PLCG1: variants seen among roughly 807,000 people sequenced by gnomAD.
The protein encoded by PLCG1 is 1-phosphatidylinositol 4,5-bisphosphate phosphodiesterase gamma-1.
A neutral mutation model predicts 177.8 loss-of-function variants in PLCG1; 71 were observed. The observed-to-expected ratio is 0.40, with a 90% CI of 0.33 to 0.49. The LOEUF is 0.49. Ranked by LOEUF, PLCG1 falls within the 20% of genes least tolerant of loss-of-function variation. The pLI is 0.72. For missense variants in PLCG1, 1,281 were observed against 1,709.0 expected, an observed-to-expected ratio of 0.75 and a Z score of 4.42; for synonymous variants, 658 against 647.9, an observed-to-expected ratio of 1.02 and a Z score of -0.24.
chr20:41,141,800 C>A (rs553460946), intron 1 of PLCG1, among the ~76,000 whole-genome samples: 1 of 152,216 alleles, frequency 6.6e-6, no homozygotes, highest in Non-Finnish European at 1.5e-5. Flanking sequence ...AGGAAAAGGG[C>A]CTGCTTCACA....
Position 41,163,039 on chromosome 20 carries a change from T to A in PLCG1, c.716+47T>A. The A allele has an allele frequency of 6.3e-7, 1 of 1,587,128 alleles. No individual in the cohort carries two copies. Among genetic ancestry groups the A allele is most frequent in the Non-Finnish European group, 8.7e-7 (1 of 1,155,448 alleles). On this transcript the variant is annotated intron_variant, in intron 7 of 31. Coordinates refer to ENST00000685551, the MANE Select transcript of PLCG1 (RefSeq NM_002660.3). The surrounding 1 kb of genome is among the most constrained non-coding windows in gnomAD (Gnocchi z 5.2). ...TGGGGTTTTCCCTGGGCCCCCTTCA[T>A]CTCTCCACTGGGCGATTCTTGATCC...
At chr20:41,170,290 T>C in intron 24 of PLCG1, 21 bp downstream of exon 24, 1 of 1,613,764 alleles carries the variant, frequency 6.2e-7, no homozygotes, top group Non-Finnish European at 8.5e-7. Flanking sequence ...GCTGGAACCT[T>C]CTGGGGGGCA....
chr20:41,175,130 A>G lies in PLCG1; in HGVS notation c.*621A>G, dbSNP rs543804707. The G allele has an allele frequency of 1.7e-4, 26 of 153,004 alleles. No individual in the cohort carries two copies. The highest frequency in any genetic ancestry group is 1.9e-4 in the Non-Finnish European group (13 of 68,248). 9.5% of individuals were successfully genotyped at this position (153,004 alleles called of 1,614,324 possible). On this transcript the variant is annotated 3_prime_UTR_variant, in exon 32 of 32. Coordinates refer to ENST00000685551, the MANE Select transcript of PLCG1 (RefSeq NM_002660.3). ...CCCAGCCTGAAAGATACAGGGGATC[A>G]TGTTAAAAATAGCAGTATTATTTTT...
rs2035167095 is a variant in PLCG1 at position 41,151,545 on chromosome 20, C to G, written c.218-8061C>G. 6.6e-6 allele frequency among the ~76,000 whole-genome samples: 1 copy of G among 152,158 alleles called. No individual in the cohort carries two copies. Among genetic ancestry groups the G allele is most frequent in the Admixed American group, 6.5e-5 (1 of 15,284 alleles). On this transcript the variant is annotated intron_variant, in intron 1 of 31. Coordinates refer to ENST00000685551, the MANE Select transcript of PLCG1 (RefSeq NM_002660.3). This position sits in a 1 kb window ranked among gnomAD's most constrained non-coding sequence, Gnocchi z 5.5. ...TGTAAAATGGAAAGGGATAGCTACC[C>G]ACCCCTCCACTTTGACCTTCCTTTG... is the stretch of plus-strand genomic sequence containing the variant.
At position 41,163,376 on chromosome 20, in the gene PLCG1, A is replaced by C; in HGVS notation, c.790-2A>C. On this transcript the variant is annotated splice_acceptor_variant, in intron 8 of 31. Transcript: ENST00000685551. LOFTEE classifies it high-confidence loss of function. The surrounding 1 kb of genome is among the most constrained non-coding windows in gnomAD (Gnocchi z 5.2). Reference sequence around the variant, plus strand: ...CATCCCCTGCCCTCCCTACCCCATCAGGAGCTGTGGGCTGTTGATCGCCTC... The same window carrying C: ...CATCCCCTGCCCTCCCTACCCCATCCGGAGCTGTGGGCTGTTGATCGCCTC... 1 of 1,610,842 alleles carries C rather than the reference A, an allele frequency of 6.2e-7. No homozygotes were observed. Among genetic ancestry groups the C allele is most frequent in the Non-Finnish European group, 8.5e-7 (1 of 1,177,152 alleles).
rs1275111641 is a variant in PLCG1, at chr20:41,151,542, A to C, written c.218-8064A>C. ...GTTTGTAAAATGGAAAGGGATAGCT[A>C]CCCACCCCTCCACTTTGACCTTCCT... On this transcript the variant is annotated intron_variant, in intron 1 of 31. Transcript: ENST00000685551. This position sits in a 1 kb window ranked among gnomAD's most constrained non-coding sequence, Gnocchi z 5.5. Among the ~76,000 whole-genome samples, 2 of 152,102 alleles carry C rather than the reference A, an allele frequency of 1.3e-5. No individual in the cohort carries two copies. The highest frequency in any genetic ancestry group is 2.9e-5 in the Non-Finnish European group (2 of 68,012).
rs1233784207 is a variant in PLCG1 at position 41,162,918 on chromosome 20, T to C, written c.682-40T>C. Reference sequence around the variant, plus strand: ...TTACTAGCCCATTTCCCACATGGCCTCCCAGGGGTCTTGCCCTGACCAGGT... The same window carrying C: ...TTACTAGCCCATTTCCCACATGGCCCCCCAGGGGTCTTGCCCTGACCAGGT... On this transcript the variant is annotated intron_variant, in intron 6 of 31. Transcript: ENST00000685551. 4 of 1,602,040 alleles carry C rather than the reference T, an allele frequency of 2.5e-6. No homozygotes were observed. The African/African-American group carries it at 5.4e-5, about 21-fold the overall frequency.
chr20:41,155,042 A>G (rs912379133), intron 1 of PLCG1, among the ~76,000 whole-genome samples: 2 of 152,240 alleles, frequency 1.3e-5, no homozygotes, highest in African/African-American at 4.8e-5. Context: ...CTGTGGTCTC[A>G]GGCCAGGAGT....
At chr20:41,169,634 G>A in intron 23 of PLCG1, 108 bp downstream of exon 23, 1 of 850,140 alleles carries the variant, frequency 1.2e-6, no homozygotes, top group South Asian at 1.5e-5. Context: ...CCCAAAGTCT[G>A]CCCTCACTCC....
rs1307787178 is a variant in PLCG1 at position 41,156,901 on chromosome 20, C to G, written c.218-2705C>G. Among the ~76,000 whole-genome samples, 2 of 152,350 alleles carry G rather than the reference C, an allele frequency of 1.3e-5. No homozygotes were observed. Among genetic ancestry groups the G allele is most frequent in the Admixed American group, 1.3e-4 (2 of 15,302 alleles). ...ATTTCTGGGGACCAGCTCTGGCTCT[C>G]TCAAGAAAGAGGATGCTGCCATATT... is the stretch of plus-strand genomic sequence containing the variant. On this transcript the variant is annotated intron_variant, in intron 1 of 31. Transcript: ENST00000685551. This position sits in a 1 kb window ranked among gnomAD's most constrained non-coding sequence, Gnocchi z 5.0.
At position 41,151,156 on chromosome 20, in the gene PLCG1, T is replaced by A. The variant is rs1394764747; in HGVS notation, c.218-8450T>A. ...TTCTTACCTCTGAAATAGGTGAGATTAATTTAGAGTCCTAGGGAAGAGGGC... is the reference window on the plus strand; with the variant it reads ...TTCTTACCTCTGAAATAGGTGAGATAAATTTAGAGTCCTAGGGAAGAGGGC... On this transcript the variant is annotated intron_variant, in intron 1 of 31. Transcript: ENST00000685551. This position sits in a 1 kb window ranked among gnomAD's most constrained non-coding sequence, Gnocchi z 5.5. 2.6e-5 allele frequency among the ~76,000 whole-genome samples: 4 copies of A among 152,122 alleles called. No homozygotes were observed. The highest frequency in any genetic ancestry group is 2.0e-4 in the Admixed American group (3 of 15,270).
In PLCG1 at chr20:41,148,666, C is replaced by G. The variant is rs1300115600; in HGVS notation, c.217+10808C>G. Among the ~76,000 whole-genome samples the G allele has an allele frequency of 1.3e-5, 2 of 152,220 alleles. No individual in the cohort carries two copies. Among genetic ancestry groups the G allele is most frequent in the Admixed American group, 6.5e-5 (1 of 15,288 alleles). On this transcript the variant is annotated intron_variant, in intron 1 of 31. Transcript: ENST00000685551. This position sits in a 1 kb window ranked among gnomAD's most constrained non-coding sequence, Gnocchi z 4.3. ...TTGAAGATGGCAGACATGGTGCAGT[C>G]TCTCAAGGAGTTTACGCTCTAGTGG...
Position 41,150,324 on chromosome 20 carries a change from A to T in PLCG1, c.218-9282A>T, listed in dbSNP as rs1460900281. 2.0e-5 allele frequency among the ~76,000 whole-genome samples: 3 copies of T among 152,220 alleles called. No homozygotes were observed. The highest frequency in any genetic ancestry group is 1.9e-4 in the East Asian group (1 of 5,198). ...TCTATAAAATATAAAGAAAAATTTT[A>T]AAAGTGACTTATACCCATTGCTCTG... On this transcript the variant is annotated intron_variant, in intron 1 of 31. Coordinates refer to ENST00000685551, the MANE Select transcript of PLCG1 (RefSeq NM_002660.3). The surrounding 1 kb of genome is among the most constrained non-coding windows in gnomAD (Gnocchi z 4.0).
chr20:41,170,344 C>T, intron 24 of PLCG1, 75 bp downstream of exon 24: 1 of 1,526,196 alleles, frequency 6.6e-7, no homozygotes, highest in Non-Finnish European at 9.0e-7. Flanking sequence ...GCTCCCAGCA[C>T]AGGCCCCCTC....
At position 41,173,963 on chromosome 20, in the gene PLCG1, C is replaced by G; in HGVS notation, c.3597C>G (p.Asp1199Glu). ...CTTTGAAGAACAACTACAGTGAGGA[C>G]CTGGAGTTGGCCTCCCTGCTGATCA... Reference protein sequence around the residue: ...AVPLKNNYSEDLELASLLIKI... With the variant: ...AVPLKNNYSEELELASLLIKI... The change falls in exon 30 of 32, where the codon GAC becomes GAG. Residue 1199 changes from aspartate (D) to glutamate (E), a missense_variant. Asp to Glu is a conservative substitution (Grantham distance 45, BLOSUM62 2). Around this residue, in one of 4 missense-constraint regions of PLCG1, gnomAD observed 153 missense variants for 153.2 expected, o/e 1.00. Coordinates refer to ENST00000685551, the MANE Select transcript of PLCG1 (RefSeq NM_002660.3). The surrounding 1 kb of genome is among the most constrained non-coding windows in gnomAD (Gnocchi z 6.2). 1 of 1,614,068 alleles carries G rather than the reference C, an allele frequency of 6.2e-7. No individual in the cohort carries two copies. The highest frequency in any genetic ancestry group is 8.5e-7 in the Non-Finnish European group (1 of 1,179,956).
chr20:41,158,214 T>A (rs1600652003), intron 1 of PLCG1, among the ~76,000 whole-genome samples: 1 of 151,632 alleles, frequency 6.6e-6, no homozygotes, highest in African/African-American at 2.4e-5. Flanking sequence ...TCTGGGGGAG[T>A]TGGGCCGTTA....
rs761726070 is a variant in PLCG1, at chr20:41,159,712, C to T, written c.324C>T (p.Val108=). The change falls in exon 2 of 32, where the codon GTC becomes GTT. Residue 108 remains valine, a synonymous_variant. Coordinates refer to ENST00000685551, the MANE Select transcript of PLCG1 (RefSeq NM_002660.3). The surrounding 1 kb of genome is among the most constrained non-coding windows in gnomAD (Gnocchi z 6.0). ...GGCCGGACCAGTCACATTGCTTTGT[C>T]ATTCTCTATGGAATGGAATTTCGCC... ...AFRPDQSHCF[V]ILYGMEFRLK... The T allele has an allele frequency of 5.0e-5, 81 of 1,614,108 alleles. No individual in the cohort carries two copies. In the South Asian group the frequency reaches 7.4e-4, roughly 15 times the overall value.
chr20:41,169,076 C>T lies in PLCG1; in HGVS notation c.2484-3C>T. On this transcript the variant is annotated splice_region_variant and splice_polypyrimidine_tract_variant and intron_variant, in intron 21 of 31. Transcript: ENST00000685551. ...GGAGGTCAGCACCCTGTGGCTCCCA[C>T]AGGTGGCGAGGGGACTACGGAGGGA... The T allele has an allele frequency of 6.2e-7, 1 of 1,611,936 alleles. No individual in the cohort carries two copies. The highest frequency in any genetic ancestry group is 8.5e-7 in the Non-Finnish European group (1 of 1,177,968).
intron 1 of PLCG1, among the ~76,000 whole-genome samples, chr20:41,154,449 G>A (rs1036755504): frequency 8.5e-5 from 13 of 152,236 alleles, no homozygotes; most frequent in Non-Finnish European, 4.4e-5. Context: ...CCCTGCCTTT[G>A]CTCTTCTCTT....
Sources: gnomAD v4.1 joint callset for allele counts (sites outside exome capture counted in the v4.1 genomes callset) on GRCh38, gnomAD v4.1.1 for gene constraint, gnomAD v4.1.1 regional missense constraint, Gnocchi (gnomAD v3.1) non-coding constraint, MANE v1.5 for transcripts, NCBI Gene and HGNC (gene_info 2026-07-23, HGNC 2026-07-21) for gene names.